Variants in ROBO2 observed in about 807,000 individuals in gnomAD.
The protein encoded by ROBO2 is roundabout guidance receptor 2.
In ROBO2, 53 loss-of-function variants were observed where a neutral mutation model predicts 160.8. The ratio of observed to expected loss-of-function variants is 0.33; its 90% CI spans 0.26 to 0.41. The LOEUF (loss-of-function observed/expected upper bound fraction) is 0.41, where lower values mean the gene tolerates loss of function less well. Ranked by LOEUF, ROBO2 falls within the 10% of genes least tolerant of loss-of-function variation. The pLI is 1.00. For synonymous variants in ROBO2, 664 were observed against 611.7 expected (o/e 1.09, Z -1.26); for missense variants, 1,577 against 1,722.4 (o/e 0.92, Z 1.49).
chr3:77,046,371 T>C (rs1026764347), intron 1 of ROBO2, among the ~76,000 whole-genome samples: 3 of 152,242 alleles, frequency 2.0e-5, no homozygotes, highest in Non-Finnish European at 2.9e-5. Flanking sequence ...TCAGTGGTTG[T>C]TGTCTTCTAA....
chr3:77,456,014 T>C (rs2081600973), intron 2 of ROBO2, among the ~76,000 whole-genome samples: 1 of 152,164 alleles, frequency 6.6e-6, no homozygotes, highest in Non-Finnish European at 1.5e-5. Flanking sequence ...GCATGTCTTC[T>C]TGTAGTAGAG....
At chr3:77,518,855 A>G (rs2090301994) in intron 5 of ROBO2, among the ~76,000 whole-genome samples, 1 of 151,494 alleles carries the variant, frequency 6.6e-6, no homozygotes, top group South Asian at 2.1e-4. Flanking sequence ...ATTATTACCC[A>G]AAACTTCTTT....
chr3:76,654,457 A>G (rs973005997), intron 2 of ROBO2, among the ~76,000 whole-genome samples: 1 of 152,160 alleles, frequency 6.6e-6, no homozygotes, highest in African/African-American at 2.4e-5. Context: ...ACATGTTTTA[A>G]TCAGTGCATC....
chr3:77,239,223 T>G (rs1301103009), intron 2 of ROBO2, among the ~76,000 whole-genome samples: 2 of 152,132 alleles, frequency 1.3e-5, no homozygotes, highest in East Asian at 3.9e-4. Context: ...AGTTTCTTCC[T>G]TCTGTTGGGT....
At chr3:76,045,088 G>T (rs2067407569) in intron 2 of ROBO2, among the ~76,000 whole-genome samples, 1 of 151,984 alleles carries the variant, frequency 6.6e-6, no homozygotes, top group South Asian at 2.1e-4. Context: ...ACCTGGGAGA[G>T]AATGTAATTT....
chr3:76,079,600 C>T (rs2068752622), intron 2 of ROBO2, among the ~76,000 whole-genome samples: 1 of 151,598 alleles, frequency 6.6e-6, no homozygotes, highest in Admixed American at 6.6e-5. Flanking sequence ...TCTCCCACCT[C>T]AGCCTCCCGA....
chr3:77,367,036 C>T (rs1014218891), intron 2 of ROBO2, among the ~76,000 whole-genome samples: 58 of 152,212 alleles, frequency 3.8e-4, no homozygotes, highest in African/African-American at 1.3e-3. Flanking sequence ...ATACATTGCA[C>T]TGTAAGTTGT....
intron 8 of ROBO2, 69 bp from the exon 10 acceptor site, chr3:77,557,875 A>G: frequency 8.2e-7 from 1 of 1,215,626 alleles, no homozygotes; most frequent in South Asian, 1.2e-5. Flanking sequence ...CCTTACTTTC[A>G]GTGTCAATAT....
At chr3:77,374,833 CTTATT>C (rs1032455057) in intron 2 of ROBO2, among the ~76,000 whole-genome samples, 1 of 152,146 alleles carries the variant, frequency 6.6e-6, no homozygotes, top group African/African-American at 2.4e-5. Context: ...TCAGTAAATT[CTTATT>C]TTAATCCTTG....
At chr3:76,189,859 G>A (rs1701927859) in intron 2 of ROBO2, among the ~76,000 whole-genome samples, 1 of 151,966 alleles carries the variant, frequency 6.6e-6, no homozygotes, top group Non-Finnish European at 1.5e-5. Context: ...ATATGCAGAT[G>A]AGAAACTGAG....
intron 2 of ROBO2, among the ~76,000 whole-genome samples, chr3:76,341,269 C>A (rs2108168718): frequency 6.6e-6 from 1 of 152,044 alleles, no homozygotes; most frequent in East Asian, 1.9e-4. Context: ...CTCTTTCCTG[C>A]AGCGATACAG....
chr3:77,417,449 C>T (rs184093509), intron 2 of ROBO2, among the ~76,000 whole-genome samples: 1 of 147,518 alleles, frequency 6.8e-6, no homozygotes, highest in Admixed American at 6.7e-5. Flanking sequence ...TCATATATGC[C>T]CAGTGGAAAA....
At chr3:77,068,598 A>T (rs1180175839) in intron 1 of ROBO2, among the ~76,000 whole-genome samples, 1 of 152,172 alleles carries the variant, frequency 6.6e-6, no homozygotes, top group Non-Finnish European at 1.5e-5. Context: ...CCAAAGTATG[A>T]TATAAATATA....
At chr3:77,544,221 A>G (rs530942572) in intron 6 of ROBO2, among the ~76,000 whole-genome samples, 2 of 151,984 alleles carry the variant, frequency 1.3e-5, no homozygotes, top group East Asian at 3.9e-4. Context: ...ACATTGATTT[A>G]CACCATCATT....
At chr3:77,111,542 T>G (rs1255952628) in intron 2 of ROBO2, among the ~76,000 whole-genome samples, 1 of 152,232 alleles carries the variant, frequency 6.6e-6, no homozygotes, top group Non-Finnish European at 1.5e-5. Flanking sequence ...TTCAAATTCA[T>G]GTATTTACTG....
At chr3:76,629,916 G>T (rs989743254) in intron 2 of ROBO2, among the ~76,000 whole-genome samples, 1 of 152,126 alleles carries the variant, frequency 6.6e-6, no homozygotes, top group Admixed American at 6.5e-5. Flanking sequence ...TCTGGAGGTT[G>T]CCAATGCCAT....
At chr3:76,755,429 A>G (rs1446412435) in intron 2 of ROBO2, among the ~76,000 whole-genome samples, 1 of 151,820 alleles carries the variant, frequency 6.6e-6, no homozygotes, top group African/African-American at 2.4e-5. Flanking sequence ...TAATTTCCAA[A>G]TTGTATCCTG....
chr3:76,247,898 C>T (rs1382865990), intron 2 of ROBO2, among the ~76,000 whole-genome samples: 2 of 151,766 alleles, frequency 1.3e-5, no homozygotes, highest in Non-Finnish European at 2.9e-5. Flanking sequence ...AAATGCTCAC[C>T]ATCACTGGCC....
At position 76,345,322 on chromosome 3, in the gene ROBO2, C is replaced by T. The variant is rs569018724; in HGVS notation, c.109+407720C>T. 2.6e-5 allele frequency among the ~76,000 whole-genome samples: 4 copies of T among 151,994 alleles called. No homozygotes were observed. The East Asian group carries it at 5.8e-4, about 22-fold the overall frequency. On this transcript the variant is annotated intron_variant, in intron 2 of 26. Transcript: ENST00000487694. ...TTTATTTGCACACTTTTTTTTCTGT[C>T]GCTCTTTGTAACTAGACTTTTCAAA...
Sources: allele counts gnomAD v4.1 joint callset (sites outside exome capture counted in the v4.1 genomes callset), GRCh38; gene constraint gnomAD v4.1.1; transcripts MANE v1.5; gene names NCBI Gene and HGNC (gene_info 2026-07-23, HGNC 2026-07-21).